The following OSBPL10 variants were observed in gnomAD, a reference collection of about 807,000 sequenced individuals.
OSBPL10 encodes the protein oxysterol binding protein like 10.
A neutral mutation model predicts 81.7 loss-of-function variants in OSBPL10; 49 were observed. The observed-to-expected ratio is 0.60, with a 90% CI of 0.48 to 0.76. OSBPL10 has a LOEUF of 0.76. Among genes scored for constraint, OSBPL10 ranks in the 30% least tolerant of loss-of-function variants. OSBPL10 has a pLI of 0.00. For missense variants in OSBPL10, 923 were observed against 987.8 expected (o/e 0.93, Z 0.88); for synonymous variants, 419 against 383.6 (o/e 1.09, Z -1.08).
At chr3:31,796,662 C>A (rs546274732) in intron 4 of OSBPL10, among the ~76,000 whole-genome samples, 1 of 152,176 alleles carries the variant, frequency 6.6e-6, no homozygotes, top group African/African-American at 2.4e-5. Context: ...GCTATTTTAG[C>A]AGCATCCACG....
intron 3 of OSBPL10, among the ~76,000 whole-genome samples, chr3:31,875,950 C>T (rs1237973498): frequency 6.6e-6 from 1 of 152,098 alleles, no homozygotes; most frequent in Non-Finnish European, 1.5e-5. Flanking sequence ...CTCACAAGGT[C>T]CCCAGGAGAG....
chr3:32,066,942 A>T (rs897705860), intron 1 of OSBPL10, among the ~76,000 whole-genome samples: 12 of 152,204 alleles, frequency 7.9e-5, no homozygotes, highest in African/African-American at 2.9e-4. Context: ...ATCAGAAGAG[A>T]TGATAGCCAA....
chr3:31,953,691 C>T (rs1489363914), intron 1 of OSBPL10, among the ~76,000 whole-genome samples: 1 of 152,214 alleles, frequency 6.6e-6, no homozygotes, highest in Non-Finnish European at 1.5e-5. Flanking sequence ...CAAGTGTGAG[C>T]CACCACACCT....
chr3:31,849,809 AGAAG>A (rs1344087671), intron 3 of OSBPL10, among the ~76,000 whole-genome samples: 5 of 152,200 alleles, frequency 3.3e-5, no homozygotes, highest in African/African-American at 2.4e-5. Flanking sequence ...AGGCCAAGGC[AGAAG>A]GATTGCCTGA....
chr3:31,755,565 C>T (rs1188834779), intron 4 of OSBPL10, among the ~76,000 whole-genome samples: 1 of 152,218 alleles, frequency 6.6e-6, no homozygotes, highest in Non-Finnish European at 1.5e-5. Flanking sequence ...TGACTTAAGC[C>T]ATGATCCCAG....
intron 4 of OSBPL10, among the ~76,000 whole-genome samples, chr3:31,811,695 A>G (rs1043350527): frequency 2.0e-5 from 3 of 152,220 alleles, no homozygotes; most frequent in Non-Finnish European, 4.4e-5. Flanking sequence ...TAAAAACAAG[A>G]CCATTAAAAA....
intron 1 of OSBPL10, among the ~76,000 whole-genome samples, chr3:31,881,222 T>G (rs913700693): frequency 3.3e-5 from 5 of 152,100 alleles, no homozygotes; most frequent in Non-Finnish European, 4.4e-5. Flanking sequence ...AGTGTTTTCC[T>G]CCCCACAGCG....
At chr3:32,051,624 A>G (rs778345702) in intron 1 of OSBPL10, among the ~76,000 whole-genome samples, 2 of 152,002 alleles carry the variant, frequency 1.3e-5, no homozygotes, top group Non-Finnish European at 2.9e-5. Context: ...TTGTGGATCT[A>G]TTTTCCTTTC....
In OSBPL10 at chr3:31,991,225, C is replaced by T. The variant is rs150561647; in HGVS notation, n.298+55266G>A. On this transcript the variant is annotated intron_variant and non_coding_transcript_variant, in intron 2 of 3. Coordinates refer to the OSBPL10 transcript ENST00000479173. ...CTGTGGGAGGTCAAGACGGATAGAT[C>T]ACTTGAGGTCAGGAGTTTGAGACCA... 1,688 of 447,216 alleles carry T rather than the reference C, an allele frequency of 3.8e-3. 3 individuals are homozygous for T. Among genetic ancestry groups the T allele is most frequent in the Admixed American group, 7.5e-3 (184 of 24,602 alleles). The allele number at this position is 447,216 out of a possible 1,614,324, so 27.7% of individuals were successfully genotyped here.
At chr3:31,758,588 A>G (rs1180714523) in intron 4 of OSBPL10, among the ~76,000 whole-genome samples, 1 of 152,206 alleles carries the variant, frequency 6.6e-6, no homozygotes, top group Admixed American at 6.5e-5. Flanking sequence ...ATTCCTGATA[A>G]GAGACCACTG....
chr3:31,983,257 G>T (rs1698885146), upstream of OSBPL10, among the ~76,000 whole-genome samples: 1 of 152,176 alleles, frequency 6.6e-6, no homozygotes, highest in African/African-American at 2.4e-5. Context: ...GGTGCATACT[G>T]GACTATAAAT....
chr3:31,740,388 G>C (rs1208672403), intron 5 of OSBPL10, among the ~76,000 whole-genome samples: 1 of 152,014 alleles, frequency 6.6e-6, no homozygotes, highest in African/African-American at 2.4e-5. Flanking sequence ...GAATATTAAA[G>C]TCACATATTA....
intron 6 of OSBPL10, among the ~76,000 whole-genome samples, chr3:31,714,343 T>C (rs988420417): frequency 6.6e-6 from 1 of 152,000 alleles, no homozygotes; most frequent in South Asian, 2.1e-4. Context: ...GGTTTCGAGT[T>C]CCCGTATGTG....
chr3:32,024,846 T>C (rs1472927496), intron 2 of OSBPL10, among the ~76,000 whole-genome samples: 6 of 152,216 alleles, frequency 3.9e-5, no homozygotes, highest in Non-Finnish European at 4.4e-5. Context: ...CTTTGTATAT[T>C]GCTTTTGTCT....
chr3:31,870,065 T>G (rs1242530465), intron 3 of OSBPL10, among the ~76,000 whole-genome samples: 1 of 152,210 alleles, frequency 6.6e-6, no homozygotes, highest in Non-Finnish European at 1.5e-5. Context: ...TGGGAGCCCC[T>G]TTCTGGGCTG....
chr3:31,972,693 A>G (rs942134256), intron 1 of OSBPL10, among the ~76,000 whole-genome samples: 4 of 152,212 alleles, frequency 2.6e-5, no homozygotes, highest in East Asian at 3.9e-4. Context: ...TGCACAGGCC[A>G]CAAGGCTGGC....
chr3:31,693,016 G>A (rs1178719884), intron 7 of OSBPL10, among the ~76,000 whole-genome samples: 1 of 152,224 alleles, frequency 6.6e-6, no homozygotes, highest in Non-Finnish European at 1.5e-5. Flanking sequence ...CAAGCTTAGG[G>A]AAGCCAGGTC....
chr3:32,043,106 G>T lies in OSBPL10; in HGVS notation n.298+3385C>A, dbSNP rs142648296. ...CTGCAGGAGACCAGGGCACATTTCA[G>T]CCCTTATCTCAACTGCATAAGACAG... On this transcript the variant is annotated intron_variant and non_coding_transcript_variant, in intron 2 of 3. Coordinates refer to the OSBPL10 transcript ENST00000479173. Among the ~76,000 whole-genome samples the T allele has an allele frequency of 5.1e-3, 780 of 152,168 alleles. 3 individuals carry two copies. The highest frequency in any genetic ancestry group is 7.9e-3 in the Non-Finnish European group (537 of 68,008).
chr3:32,068,386 C>A (rs1699798080), intron 1 of OSBPL10, among the ~76,000 whole-genome samples: 1 of 152,112 alleles, frequency 6.6e-6, no homozygotes. Context: ...GGCTGCTCAC[C>A]CACATTGCAG....
Sources: gnomAD v4.1 joint callset for allele counts (sites outside exome capture counted in the v4.1 genomes callset) on GRCh38, gnomAD v4.1.1 for gene constraint, MANE v1.5 for transcripts, NCBI Gene and HGNC (gene_info 2026-07-23, HGNC 2026-07-21) for gene names.